GRM3: variants seen among roughly 807,000 people sequenced by gnomAD.
GRM3 encodes metabotropic glutamate receptor 3.
Under a neutral mutation model 70.5 loss-of-function variants are expected in GRM3, and 26 were observed. The ratio of observed to expected loss-of-function variants is 0.37; its 90% CI spans 0.27 to 0.51. The LOEUF (loss-of-function observed/expected upper bound fraction) is 0.51, where lower values mean the gene tolerates loss of function less well. Among genes scored for constraint, GRM3 ranks in the 20% least tolerant of loss-of-function variants. The pLI is 0.93. For missense variants in GRM3, 859 were observed against 1,123.8 expected, an observed-to-expected ratio of 0.76 and a Z score of 3.37; for synonymous variants, 443 against 434.9, an observed-to-expected ratio of 1.02 and a Z score of -0.23.
At chr7:86,672,925 T>G (rs1487538495) in intron 1 of GRM3, among the ~76,000 whole-genome samples, 1 of 152,182 alleles carries the variant, frequency 6.6e-6, no homozygotes, top group Non-Finnish European at 1.5e-5. Flanking sequence ...AAAGAGTACC[T>G]CTTATTCAGT....
At chr7:86,710,552 C>CTG (rs1254090508) in intron 1 of GRM3, among the ~76,000 whole-genome samples, 3 of 66,638 alleles carry the variant, frequency 4.5e-5, no homozygotes, top group South Asian at 4.9e-4. Context: ...TAAGCTGCTA[C>CTG]TGTGTGTGTG....
intron 2 of GRM3, among the ~76,000 whole-genome samples, chr7:86,778,978 T>C (rs1421741647): frequency 6.6e-6 from 1 of 152,030 alleles, no homozygotes; most frequent in African/African-American, 2.4e-5. Context: ...AAAAGCAAAA[T>C]TTGGATACAC....
chr7:86,772,776 G>A (rs747045217), intron 2 of GRM3, among the ~76,000 whole-genome samples: 4 of 152,052 alleles, frequency 2.6e-5, no homozygotes, highest in Non-Finnish European at 5.9e-5. Context: ...TCTATCACCA[G>A]TATCTCTATC....
intron 1 of GRM3, among the ~76,000 whole-genome samples, chr7:86,709,386 T>C (rs921471561): frequency 6.6e-6 from 1 of 152,220 alleles, no homozygotes; most frequent in Admixed American, 6.5e-5. Context: ...ATCACTCATC[T>C]TATAGGAGGC....
At chr7:86,789,240 G>T (rs550291423) in intron 3 of GRM3, among the ~76,000 whole-genome samples, 1 of 152,024 alleles carries the variant, frequency 6.6e-6, no homozygotes, top group Non-Finnish European at 1.5e-5. Context: ...TAAAAGAGAG[G>T]GAATTTAGAC....
rs140619174 is a variant in GRM3, at chr7:86,824,664, C to T, written c.1325-14175C>T. Among the ~76,000 whole-genome samples the T allele has an allele frequency of 2.0e-5, 3 of 152,316 alleles. No homozygotes were observed. In the East Asian group the frequency reaches 5.8e-4, roughly 29 times the overall value. On this transcript the variant is annotated intron_variant, in intron 3 of 5. Transcript: ENST00000361669. Reference sequence around the variant, plus strand: ...GGATATGTGATTACCATAATTCTCACATGTACTACTAACTTTCTCCATCTA... The same window carrying T: ...GGATATGTGATTACCATAATTCTCATATGTACTACTAACTTTCTCCATCTA...
chr7:86,666,684 A>T (rs911794575), intron 1 of GRM3, among the ~76,000 whole-genome samples: 12 of 151,956 alleles, frequency 7.9e-5, no homozygotes, highest in Non-Finnish European at 1.8e-4. Flanking sequence ...TATTTTTTTA[A>T]TGAGAAAATT....
In GRM3 at chr7:86,839,429, G is replaced by A. The variant is rs993974201; in HGVS notation, c.1915G>A (p.Val639Ile). 5.6e-6 allele frequency: 9 copies of A among 1,613,908 alleles called. No individual in the cohort carries two copies. Among genetic ancestry groups the A allele is most frequent in the Non-Finnish European group, 7.6e-6 (9 of 1,179,958 alleles). Residue 639 changes from valine (V) to isoleucine (I), a missense_variant, in exon 4 of 6, where the codon GTC becomes ATC. Val to Ile is a conservative substitution (Grantham distance 29). Transcript: ENST00000361669. The surrounding 1 kb of genome is among the most constrained non-coding windows in gnomAD (Gnocchi z 4.5). ...TFFFIAKPSP[V>I]ICALRRLGLG... ...CTTCTTCATTGCCAAGCCATCACCA[G>A]TCATCTGTGCATTGCGCCGACTCGG...
intron 1 of GRM3, among the ~76,000 whole-genome samples, chr7:86,723,530 T>A (rs778796162): frequency 2.0e-5 from 3 of 152,172 alleles, no homozygotes. Context: ...TTAGCAAAGA[T>A]GAATTGTCAT....
At chr7:86,831,039 A>G (rs188052213) in intron 3 of GRM3, among the ~76,000 whole-genome samples, 38 of 152,302 alleles carry the variant, frequency 2.5e-4, no homozygotes, top group African/African-American at 7.9e-4. Flanking sequence ...CAGTCCTCAG[A>G]AGAAACAAAC....
chr7:86,678,984 CT>C (rs1794374171), intron 1 of GRM3, among the ~76,000 whole-genome samples: 1 of 151,902 alleles, frequency 6.6e-6, no homozygotes, highest in Admixed American at 6.6e-5. Flanking sequence ...TTGGAAAAGT[CT>C]TTTTTTATCA....
Position 86,841,748 on chromosome 7 carries a change from G to T in GRM3, c.2391+1843G>T, listed in dbSNP as rs959275713. Among the ~76,000 whole-genome samples the T allele has an allele frequency of 3.3e-5, 5 of 152,096 alleles. No individual in the cohort carries two copies. The East Asian group carries it at 9.6e-4, about 29-fold the overall frequency. On this transcript the variant is annotated intron_variant, in intron 4 of 5. Coordinates refer to ENST00000361669, the MANE Select transcript of GRM3 (RefSeq NM_000840.3). The stretch of plus-strand genomic sequence containing the variant: ...AACATTATAAAAATTTAATTTTATT[G>T]AGTGAATTAGCATTTACTTCTAAGA...
At chr7:86,859,871 AG>A (rs1262477155) in intron 5 of GRM3, among the ~76,000 whole-genome samples, 4 of 152,218 alleles carry the variant, frequency 2.6e-5, no homozygotes, top group African/African-American at 9.6e-5. Flanking sequence ...TTGCAGAGCA[AG>A]ACAAAGCTGC....
intron 3 of GRM3, among the ~76,000 whole-genome samples, chr7:86,806,116 T>C (rs929046923): frequency 6.6e-6 from 1 of 152,224 alleles, no homozygotes; most frequent in African/African-American, 2.4e-5. Flanking sequence ...CCATGGTGTA[T>C]ATGTGCCACA....
intron 1 of GRM3, among the ~76,000 whole-genome samples, chr7:86,719,444 C>G (rs1270824205): frequency 5.3e-5 from 8 of 151,944 alleles, no homozygotes; most frequent in Non-Finnish European, 1.2e-4. Flanking sequence ...AGCTGACAGT[C>G]CAGGAAAGCA....
intron 1 of GRM3, among the ~76,000 whole-genome samples, chr7:86,679,974 C>A (rs546853947): frequency 2.6e-5 from 4 of 152,072 alleles, no homozygotes; most frequent in Non-Finnish European, 4.4e-5. Flanking sequence ...TTAGGAAATT[C>A]TCTATAATCC....
At chr7:86,702,908 CA>C (rs1794975485) in intron 1 of GRM3, among the ~76,000 whole-genome samples, 3 of 151,908 alleles carry the variant, frequency 2.0e-5, no homozygotes, top group African/African-American at 7.2e-5. Context: ...AAAAAATACA[CA>C]GAACAAACGT....
At chr7:86,687,801 C>T (rs541757380) in intron 1 of GRM3, among the ~76,000 whole-genome samples, 4 of 151,024 alleles carry the variant, frequency 2.6e-5, no homozygotes, top group East Asian at 1.9e-4. Flanking sequence ...TACAAAAGGT[C>T]GAAAGGGAAT....
intron 3 of GRM3, among the ~76,000 whole-genome samples, chr7:86,805,839 G>A (rs539378280): frequency 7.2e-5 from 11 of 152,136 alleles, no homozygotes; most frequent in South Asian, 4.2e-4. Context: ...ATGTTGGTGC[G>A]TTGCACTCAT....
Sources: gnomAD v4.1 joint callset for allele counts (sites outside exome capture counted in the v4.1 genomes callset) on GRCh38, gnomAD v4.1.1 for gene constraint, Gnocchi (gnomAD v3.1) non-coding constraint, MANE v1.5 for transcripts, NCBI Gene and HGNC (gene_info 2026-07-23, HGNC 2026-07-21) for gene names.